RCL1: variants seen among roughly 807,000 people sequenced by gnomAD.
The protein encoded by RCL1 is RNA 3'-terminal phosphate cyclase-like protein.
RCL1 carries 24 observed loss-of-function variants against 42.4 expected under a neutral mutation model. The observed-to-expected ratio is 0.57, with a 90% CI of 0.41 to 0.80. The LOEUF (loss-of-function observed/expected upper bound fraction) is 0.80, where lower values mean the gene tolerates loss of function less well. Ranked by LOEUF, RCL1 falls within the 30% of genes least tolerant of loss-of-function variation. The pLI, the probability that RCL1 is intolerant of heterozygous loss-of-function variation, is 0.00. For missense variants in RCL1, 578 were observed against 467.9 expected, an observed-to-expected ratio of 1.24 and a Z score of -2.17; for synonymous variants, 228 against 177.3, an observed-to-expected ratio of 1.29 and a Z score of -2.27.
intron 8 of RCL1, among the ~76,000 whole-genome samples, chr9:4,859,696 T>C (rs1333839707): frequency 1.3e-5 from 2 of 152,170 alleles, no homozygotes; most frequent in Non-Finnish European, 2.9e-5. Flanking sequence ...GCCAGGTACA[T>C]TGGGACACCC....
chr9:4,818,212 C>T (rs765857715), intron 1 of RCL1, among the ~76,000 whole-genome samples: 2 of 152,052 alleles, frequency 1.3e-5, no homozygotes, highest in Non-Finnish European at 2.9e-5. Flanking sequence ...TAAGCCACCG[C>T]GCCCGGCCCA....
intron 5 of RCL1, chr9:4,836,699 G>A (rs146056215): frequency 6.6e-6 from 1 of 152,364 alleles, no homozygotes; most frequent in Non-Finnish European, 1.5e-5. Context: ...TTTGGCAATG[G>A]TATTACTTGG....
chr9:4,807,650 G>T (rs1816023637), intron 1 of RCL1, among the ~76,000 whole-genome samples: 1 of 152,160 alleles, frequency 6.6e-6, no homozygotes, highest in African/African-American at 2.4e-5. Context: ...CTCCTGAGTA[G>T]CTGGGATTAC....
At chr9:4,815,966 C>T (rs1816361471) in intron 1 of RCL1, among the ~76,000 whole-genome samples, 1 of 152,094 alleles carries the variant, frequency 6.6e-6, no homozygotes, top group South Asian at 2.1e-4. Flanking sequence ...GCATTTCCTT[C>T]TGCTCTCTCT....
At chr9:4,842,951 A>C (rs147167307) in intron 6 of RCL1, among the ~76,000 whole-genome samples, 47 of 152,300 alleles carry the variant, frequency 3.1e-4, no homozygotes, top group African/African-American at 1.0e-3. Flanking sequence ...TTGTTATACC[A>C]CTGACTCAGC....
At chr9:4,823,441 C>G in intron 1 of RCL1, 107 bp from the exon 2 acceptor site, 1 of 795,562 alleles carries the variant, frequency 1.3e-6, no homozygotes. Context: ...CAGGAAGTAA[C>G]CTGCCCTCTA....
chr9:4,812,450 G>A (rs1264753084), intron 1 of RCL1, among the ~76,000 whole-genome samples: 1 of 152,004 alleles, frequency 6.6e-6, no homozygotes, highest in African/African-American at 2.4e-5. Context: ...TAGAAATAGA[G>A]ACGAGGTTTC....
intron 6 of RCL1, among the ~76,000 whole-genome samples, chr9:4,843,540 G>A (rs1359975644): frequency 2.6e-5 from 4 of 152,128 alleles, no homozygotes; most frequent in Non-Finnish European, 5.9e-5. Context: ...AAGTTGGGAA[G>A]AAAAATTAGA....
In RCL1 at chr9:4,860,075, TTTTTG is replaced by T. The variant is rs757680020; in HGVS notation, c.972-49_972-45del. On this transcript the variant is annotated intron_variant, in intron 8 of 8. Transcript: ENST00000381750. ...ATTCTAGGTGGTAGAGGATAATTTTTTTTTGAATGAATTTCTTTTTATTTATTTAT... is the reference window on the plus strand; with the variant it reads ...ATTCTAGGTGGTAGAGGATAATTTTTAATGAATTTCTTTTTATTTATTTAT... The T allele has an allele frequency of 1.5e-5, 20 of 1,345,618 alleles. No individual in the cohort carries two copies. The South Asian group carries it at 3.1e-4, about 21-fold the overall frequency. 83.4% of individuals were successfully genotyped at this position (1,345,618 alleles called of 1,614,324 possible). A position where few individuals can be genotyped will look rare whatever the true frequency, so the allele number is the denominator to read the frequency against.
intron 8 of RCL1, chr9:4,850,220 A>G (rs531218332): frequency 4.0e-4 from 200 of 494,888 alleles, no homozygotes; most frequent in Non-Finnish European, 1.7e-4. Context: ...GTGCTTGCAT[A>G]CTTGGAGATC....
chr9:4,858,393 C>T (rs941712920), intron 8 of RCL1, among the ~76,000 whole-genome samples: 4 of 152,046 alleles, frequency 2.6e-5, no homozygotes, highest in Non-Finnish European at 5.9e-5. Context: ...TTATTGCCAT[C>T]CTTTTGGTGT....
chr9:4,819,946 G>C (rs1003219145), intron 1 of RCL1, among the ~76,000 whole-genome samples: 1 of 152,074 alleles, frequency 6.6e-6, no homozygotes, highest in Non-Finnish European at 1.5e-5. Flanking sequence ...ATAAGAGATC[G>C]TAAAATGAAC....
At chr9:4,853,455 G>A (rs1402383243) in intron 8 of RCL1, among the ~76,000 whole-genome samples, 1 of 151,986 alleles carries the variant, frequency 6.6e-6, no homozygotes, top group African/African-American at 2.4e-5. Context: ...CTGAGTAGCT[G>A]GGACTACAGG....
chr9:4,801,235 G>C (rs371769799), intron 1 of RCL1, among the ~76,000 whole-genome samples: 1 of 152,092 alleles, frequency 6.6e-6, no homozygotes, highest in African/African-American at 2.4e-5. Context: ...ACAGTGACAC[G>C]ATCATGGCTC....
chr9:4,841,221 C>G lies in RCL1; in HGVS notation c.585-11C>G. On this transcript the variant is annotated splice_polypyrimidine_tract_variant and intron_variant, in intron 5 of 8. Transcript: ENST00000381750. ...TTCAAGCAGAATGACATCCTTAACT[C>G]CAGGCTGCAGGTACTCTGTACGTGT... The G allele has an allele frequency of 1.9e-6, 3 of 1,613,948 alleles. No individual in the cohort carries two copies. The highest frequency in any genetic ancestry group is 1.6e-4 in the Middle Eastern group (1 of 6,062).
At chr9:4,808,033 G>T (rs1357174488) in intron 1 of RCL1, among the ~76,000 whole-genome samples, 2 of 151,914 alleles carry the variant, frequency 1.3e-5, no homozygotes, top group Non-Finnish European at 1.5e-5. Flanking sequence ...TTCTCTTGTT[G>T]GGTGGAGTGC....
At chr9:4,841,805 G>C (rs547929339) in intron 6 of RCL1, among the ~76,000 whole-genome samples, 1 of 152,160 alleles carries the variant, frequency 6.6e-6, no homozygotes, top group Non-Finnish European at 1.5e-5. Context: ...TATTGCAGAC[G>C]TGAATTTGGT....
At chr9:4,802,890 A>G (rs1247651621) in intron 1 of RCL1, among the ~76,000 whole-genome samples, 1 of 152,164 alleles carries the variant, frequency 6.6e-6, no homozygotes, top group Non-Finnish European at 1.5e-5. Flanking sequence ...GTGCGACCTT[A>G]GCCTACTGCA....
chr9:4,816,274 G>A (rs185395598), intron 1 of RCL1, among the ~76,000 whole-genome samples: 20 of 152,208 alleles, frequency 1.3e-4, no homozygotes, highest in Admixed American at 1.2e-3. Flanking sequence ...ATTCCACTCT[G>A]ACTTGTCTTT....
Sources: allele counts gnomAD v4.1 joint callset (sites outside exome capture counted in the v4.1 genomes callset), GRCh38; gene constraint gnomAD v4.1.1; transcripts MANE v1.5; gene names NCBI Gene and HGNC (gene_info 2026-07-23, HGNC 2026-07-21).